Variants in CDK16 observed in about 807,000 individuals in gnomAD.
CDK16 encodes cyclin dependent kinase 16.
In CDK16, 2 loss-of-function variants were observed where a neutral mutation model predicts 41.6. That is an observed-to-expected ratio of 0.05 (90% CI 0.02 to 0.15). The LOEUF (loss-of-function observed/expected upper bound fraction) is 0.15, where lower values mean the gene tolerates loss of function less well. Ranked by LOEUF, CDK16 falls within the 10% of genes least tolerant of loss-of-function variation. The pLI is 1.00. For synonymous variants in CDK16, 169 were observed against 169.7 expected (o/e 1.00, Z 0.03); for missense variants, 228 against 428.9 (o/e 0.53, Z 4.14).
At chrX:47,223,341 GGGCT>G in intron 1 of CDK16, 1 of 1,139,215 alleles carries the variant, frequency 8.8e-7, no homozygotes, top group Non-Finnish European at 1.2e-6. Flanking sequence ...GGTCCCAGTG[GGGCT>G]GGCTGTGTGG....
intron 1 of CDK16, among the ~76,000 whole-genome samples, chrX:47,221,729 T>G (rs1274623335): frequency 8.9e-6 from 1 of 112,215 alleles, no homozygotes. Context: ...TCAGGATGTT[T>G]TGTGGTTATC....
rs782784381 is a variant in CDK16 at position 47,218,717 on chromosome X, C to G, written c.-395C>G. On this transcript the variant is annotated 5_prime_UTR_variant, in exon 1 of 16. Coordinates refer to ENST00000357227, the MANE Select transcript of CDK16 (RefSeq NM_006201.5). ...TTCCGAGCGCCTGCGTGCGCATGCG[C>G]GGAGCGCGGCGCGCGCGGCGGTTGG... 8 of 1,159,832 alleles carry G rather than the reference C, an allele frequency of 6.9e-6. No individual in the cohort carries two copies. The East Asian group carries it at 9.8e-5, about 14-fold the overall frequency.
At position 47,224,515 on chromosome X, in the gene CDK16, T is replaced by A. The variant is rs1450195188; in HGVS notation, c.333T>A (p.Thr111=). Residue 111 remains threonine, a synonymous_variant, in exon 3 of 16, where the codon ACT becomes ACA. Coordinates refer to ENST00000357227, the MANE Select transcript of CDK16 (RefSeq NM_006201.5). ...ACCATCCCCCACGCAAGATCTCCAC[T>A]GAGGTGCTTGACCCCGTCTGGATGG... The part of the protein sequence containing the change: ...MRNHPPRKIS[T]EDINKRLSLP... 1 of 1,203,363 alleles carries A rather than the reference T, an allele frequency of 8.3e-7. No homozygotes were observed. Among genetic ancestry groups the A allele is most frequent in the African/African-American group, 1.7e-5 (1 of 57,754 alleles).
At chrX:47,226,972 G>A in intron 11 of CDK16, 22 bp from the exon 12 acceptor site, 20 of 1,207,121 alleles carry the variant, frequency 1.7e-5, no homozygotes, top group Non-Finnish European at 2.2e-5. Flanking sequence ...AAATGTTTGG[G>A]ATAACTCCTC....
intron 6 of CDK16, 142 bp from the exon 7 acceptor site, chrX:47,225,630 C>G: frequency 2.2e-6 from 1 of 453,292 alleles, no homozygotes; most frequent in South Asian, 3.4e-5. Flanking sequence ...CGGGTTAGAG[C>G]TGGTGGCTCC....
intron 1 of CDK16, chrX:47,222,970 CTG>C: frequency 1.1e-6 from 1 of 875,922 alleles, no homozygotes; most frequent in South Asian, 3.1e-5. Context: ...CCCCCCCCAC[CTG>C]GGTAGATGAA....
chrX:47,218,465 G>A, upstream of CDK16: 1 of 568,469 alleles, frequency 1.8e-6, no homozygotes, highest in Non-Finnish European at 2.7e-6. Flanking sequence ...GGGGGAACGA[G>A]TGGTGATTGA....
chrX:47,226,146 C>T, intron 8 of CDK16, 119 bp downstream of exon 8: 1 of 1,096,023 alleles, frequency 9.1e-7, no homozygotes. Flanking sequence ...CCTTGGAGGG[C>T]ACTGGGACCC....
rs1937206142 is a variant in CDK16 at position 47,218,975 on chromosome X, T to A, written c.-137T>A. On this transcript the variant is annotated 5_prime_UTR_variant, in exon 1 of 16. Transcript: ENST00000357227. ...GCGGCCCGGGCCCAGCAACCATGGCTGAAGACTACTGGGACGGGCGCCTGC... is the reference window on the plus strand; with the variant it reads ...GCGGCCCGGGCCCAGCAACCATGGCAGAAGACTACTGGGACGGGCGCCTGC... The A allele has an allele frequency of 1.1e-6, 1 of 940,511 alleles. No homozygotes were observed. The highest frequency in any genetic ancestry group is 2.1e-5 in the African/African-American group (1 of 47,191). 77.5% of individuals were successfully genotyped at this position (940,511 alleles called of 1,213,427 possible).
chrX:47,227,937 G>GGT (rs2055262277), intron 14 of CDK16: 1 of 117,194 alleles, frequency 8.5e-6, no homozygotes, highest in Non-Finnish European at 1.8e-5. Context: ...AGTTTTTTCT[G>GGT]TCCTTGTACT....
Position 47,223,533 on chromosome X carries a change from A to G in CDK16, c.-6-19A>G. 1 of 1,204,420 alleles carries G rather than the reference A, an allele frequency of 8.3e-7. No individual in the cohort carries two copies. On this transcript the variant is annotated intron_variant, in intron 1 of 15. Transcript: ENST00000357227. ...AAATGCTAATAAGAGACCCATTTCC[A>G]TCCTTGTCCCTTGCTCAGATCGCCA...
intron 1 of CDK16, among the ~76,000 whole-genome samples, chrX:47,221,769 G>T (rs1307829843): frequency 8.9e-6 from 1 of 112,181 alleles, no homozygotes. Flanking sequence ...ACCTCATCCT[G>T]TATCTGAGGT....
rs1556796314 is a variant in CDK16 at position 47,218,916 on chromosome X, G to T, written c.-196G>T. On this transcript the variant is annotated 5_prime_UTR_variant, in exon 1 of 16. Transcript: ENST00000357227. ...GGACGCCGCCTCCGCCTCAGCCACC[G>T]CCGCCGCCGCCGCCTCCTCCTCCTC... The T allele has an allele frequency of 2.0e-6, 2 of 989,824 alleles. No individual in the cohort carries two copies. The highest frequency in any genetic ancestry group is 2.6e-6 in the Non-Finnish European group (2 of 780,084). The allele number at this position is 989,824 out of a possible 1,213,427, so 81.6% of individuals were successfully genotyped here. A position where few individuals can be genotyped will look rare whatever the true frequency, so the allele number is the denominator to read the frequency against.
chrX:47,225,620 C>T (rs555628501), intron 6 of CDK16, 152 bp from the exon 7 acceptor site: 4 of 431,649 alleles, frequency 9.3e-6, no homozygotes, highest in East Asian at 3.8e-5. Flanking sequence ...TGGCATGAGG[C>T]GGGTTAGAGC....
In CDK16 at chrX:47,228,553, T is replaced by A; in HGVS notation, c.1376-14T>A. 1 of 1,200,969 alleles carries A rather than the reference T, an allele frequency of 8.3e-7. No individual in the cohort carries two copies. The highest frequency in any genetic ancestry group is 1.1e-6 in the Non-Finnish European group (1 of 885,881). ...ATGGGTCATCCCCCACTTCTATGTC[T>A]CCCCCATCTGTAGCTACTTCCATAT... is the stretch of plus-strand genomic sequence containing the variant. On this transcript the variant is annotated splice_polypyrimidine_tract_variant and intron_variant, in intron 14 of 15. Coordinates refer to ENST00000357227, the MANE Select transcript of CDK16 (RefSeq NM_006201.5).
chrX:47,220,987 GTTAC>G (rs897436438), intron 1 of CDK16, among the ~76,000 whole-genome samples: 4 of 111,365 alleles, frequency 3.6e-5, no homozygotes, highest in African/African-American at 1.3e-4. Context: ...GGTGGCAAGA[GTTAC>G]TTAGAGGAGG....
chrX:47,225,430 T>G (rs903155617), intron 6 of CDK16, among the ~76,000 whole-genome samples: 2 of 112,204 alleles, frequency 1.8e-5, no homozygotes, highest in African/African-American at 6.5e-5. Context: ...AAATTCGATT[T>G]CACGCGATGC....
In CDK16 at chrX:47,229,628, G is replaced by T. The variant is rs1185687512; in HGVS notation, c.*860G>T. Reference sequence around the variant, plus strand: ...AGCTGGGGCCTCCTTCCTTCTCAGGGTCTCCCCAGCCCAGTCCCCTTGCTC... The same window carrying T: ...AGCTGGGGCCTCCTTCCTTCTCAGGTTCTCCCCAGCCCAGTCCCCTTGCTC... On this transcript the variant is annotated 3_prime_UTR_variant, in exon 16 of 16. Transcript: ENST00000357227. The T allele has an allele frequency of 9.0e-6, 2 of 221,263 alleles. No homozygotes were observed. Among genetic ancestry groups the T allele is most frequent in the Non-Finnish European group, 1.7e-5 (2 of 118,285 alleles). 18.2% of individuals were successfully genotyped at this position (221,263 alleles called of 1,213,427 possible).
intron 1 of CDK16, chrX:47,222,950 G>C: frequency 1.3e-5 from 10 of 741,090 alleles, no homozygotes; most frequent in South Asian, 2.9e-5. Context: ...CCTGACACAC[G>C]CTCCCCTCCC....
Sources: allele counts gnomAD v4.1 joint callset (sites outside exome capture counted in the v4.1 genomes callset), GRCh38; gene constraint gnomAD v4.1.1; transcripts MANE v1.5; gene names NCBI Gene and HGNC (gene_info 2026-07-23, HGNC 2026-07-21).